Variants in FOXN1 observed in about 807,000 individuals in gnomAD.
FOXN1 encodes the protein forkhead box N1.
A neutral mutation model predicts 49.0 loss-of-function variants in FOXN1; 15 were observed. That is an observed-to-expected ratio of 0.31 (90% CI 0.20 to 0.47). The LOEUF is 0.47. FOXN1 is among the 20% of genes least tolerant of loss of function. The pLI, the probability that FOXN1 is intolerant of heterozygous loss-of-function variation, is 1.00. For missense variants in FOXN1, 800 were observed against 842.8 expected (o/e 0.95, Z 0.63); for synonymous variants, 356 against 369.0 (o/e 0.96, Z 0.40).
intron 1 of FOXN1, among the ~76,000 whole-genome samples, chr17:28,507,648 C>T (rs1394777157): frequency 1.3e-5 from 2 of 152,212 alleles, no homozygotes; most frequent in African/African-American, 2.4e-5. Flanking sequence ...CAGGGTCCAG[C>T]TCTGCTTGCC....
rs538785855 is a variant in FOXN1, at chr17:28,533,492, C to CCCCG, written c.928-837_928-836insCGCC. On this transcript the variant is annotated intron_variant, in intron 6 of 8. Coordinates refer to ENST00000579795, the MANE Select transcript of FOXN1 (RefSeq NM_001369369.1). ...TATTCTATTGGCACGAGCACCCCCC[C>CCCCG]CCACTGCCTGAGGGCTGGCCTCCCC... Among the ~76,000 whole-genome samples, 492 of 151,236 alleles carry CCCCG rather than the reference C, an allele frequency of 3.3e-3. 12 individuals carry two copies. Among genetic ancestry groups the CCCCG allele is most frequent in the South Asian group, 6.7e-3 (32 of 4,784 alleles).
intron 1 of FOXN1, among the ~76,000 whole-genome samples, chr17:28,514,881 G>A (rs1024580997): frequency 1.3e-5 from 2 of 152,094 alleles, no homozygotes; most frequent in Non-Finnish European, 2.9e-5. Context: ...AACCTCCAAC[G>A]TCGCCCCCAC....
intron 8 of FOXN1, among the ~76,000 whole-genome samples, chr17:28,536,872 C>A (rs2070077339): frequency 6.6e-6 from 1 of 152,104 alleles, no homozygotes; most frequent in Non-Finnish European, 1.5e-5. Flanking sequence ...ATGCCCACCC[C>A]CCAAAAAGAA....
At chr17:28,523,929 C>T (rs762666712) in intron 1 of FOXN1, 27 bp from the exon 2 acceptor site, 1 of 1,613,106 alleles carries the variant, frequency 6.2e-7, no homozygotes, top group Non-Finnish European at 8.5e-7. Flanking sequence ...CTGGTCCTCA[C>T]TCTCATGGCA....
chr17:28,524,986 C>A lies in FOXN1; in HGVS notation c.588+19C>A, dbSNP rs760240489. On this transcript the variant is annotated intron_variant, in intron 3 of 8. Coordinates refer to ENST00000579795, the MANE Select transcript of FOXN1 (RefSeq NM_001369369.1). ...AGTCCTGGTGAGTACTAGTGGCCAG[C>A]GAGTGTCCCATCTTCCCACTGTCCC... 1.3e-6 allele frequency: 2 copies of A among 1,559,976 alleles called. No individual in the cohort carries two copies. The highest frequency in any genetic ancestry group is 1.8e-6 in the Non-Finnish European group (2 of 1,139,656).
chr17:28,534,911 C>T lies in FOXN1; in HGVS notation c.1340C>T (p.Thr447Ile). 2 of 1,614,170 alleles carry T rather than the reference C, an allele frequency of 1.2e-6. No homozygotes were observed. Among genetic ancestry groups the T allele is most frequent in the Non-Finnish European group, 1.7e-6 (2 of 1,180,006 alleles). Residue 447 changes from threonine to isoleucine, a missense_variant, in exon 8 of 9, where the codon ACA (threonine) becomes ATA (isoleucine). Coordinates refer to ENST00000579795, the MANE Select transcript of FOXN1 (RefSeq NM_001369369.1). This position sits in a 1 kb window ranked among gnomAD's most constrained non-coding sequence, Gnocchi z 4.1. The part of the protein sequence containing the change: ...NPLQDLLMGH[T>I]PSCYGQTYLH... ...CTGCAGGACCTACTTATGGGGCACA[C>T]ACCCTCCTGCTATGGGCAGACATAC...
In FOXN1 at chr17:28,527,369, T is replaced by G. The variant is rs756591659; in HGVS notation, c.699+8T>G. 2 of 1,526,112 alleles carry G rather than the reference T, an allele frequency of 1.3e-6. No homozygotes were observed. The highest frequency in any genetic ancestry group is 3.4e-5 in the Admixed American group (2 of 59,480). 94.5% of individuals were successfully genotyped at this position (1,526,112 alleles called of 1,614,324 possible). A position where few individuals can be genotyped will look rare whatever the true frequency, so the allele number is the denominator to read the frequency against. ...CAGCCCCCCTTCCACCAGGTGGGTC[T>G]GGGGCAAGTGGGCCTGCTTCCCCCA... On this transcript the variant is annotated splice_region_variant and intron_variant, in intron 4 of 8. Coordinates refer to ENST00000579795, the MANE Select transcript of FOXN1 (RefSeq NM_001369369.1).
chr17:28,516,692 GCCTCCACAGAATACATA>G (rs1397514103), intron 1 of FOXN1, among the ~76,000 whole-genome samples: 5 of 108,824 alleles, frequency 4.6e-5, no homozygotes, highest in Admixed American at 2.1e-4. Flanking sequence ...CGGGGTACAC[GCCTCCACAGAATACATA>G]CCTCCACAGG....
At chr17:28,508,462 CCAT>C (rs2069313994) in intron 1 of FOXN1, among the ~76,000 whole-genome samples, 2 of 152,176 alleles carry the variant, frequency 1.3e-5, no homozygotes, top group Non-Finnish European at 2.9e-5. Context: ...CCAGACAGTC[CCAT>C]CTGGCCTCTA....
Position 28,524,634 on chromosome 17 carries a change from C to T in FOXN1, c.255C>T (p.Gly85=). 1.3e-5 allele frequency: 21 copies of T among 1,613,688 alleles called. No homozygotes were observed. The highest frequency in any genetic ancestry group is 1.7e-5 in the Non-Finnish European group (20 of 1,179,960). ...AAGTCCAGGGCCACTGCCCAGCCGGCCCCGGCCCTGGGCCCTTCAGGCTCT... is the reference window on the plus strand; with the variant it reads ...AAGTCCAGGGCCACTGCCCAGCCGGTCCCGGCCCTGGGCCCTTCAGGCTCT... The part of the protein sequence containing the change: ...PEQVQGHCPA[G]PGPGPFRLSP... The change falls in exon 3 of 9, where the codon GGC becomes GGT. Residue 85 remains glycine, a synonymous_variant. Coordinates refer to ENST00000579795, the MANE Select transcript of FOXN1 (RefSeq NM_001369369.1).
chr17:28,533,939 C>T (rs1043496175), intron 6 of FOXN1, among the ~76,000 whole-genome samples: 4 of 152,134 alleles, frequency 2.6e-5, no homozygotes. Context: ...GTCCCCCTTC[C>T]ACAGAGGGGT....
chr17:28,512,098 C>G lies in FOXN1; in HGVS notation c.-15+5655C>G, dbSNP rs540902700. Among the ~76,000 whole-genome samples, 11 of 152,316 alleles carry G rather than the reference C, an allele frequency of 7.2e-5. No homozygotes were observed. In the South Asian group the frequency reaches 1.2e-3, roughly 17 times the overall value. On this transcript the variant is annotated intron_variant, in intron 1 of 8. Transcript: ENST00000579795. ...TGCTTAGAGGTCAGCCACTTCATCC[C>G]ATACCCCAGCCCATTTCTCCATCCC...
In FOXN1 at chr17:28,524,918, G is replaced by C. The variant is rs765090704; in HGVS notation, c.539G>C (p.Trp180Ser). Residue 180 changes from tryptophan to serine, a missense_variant, in exon 3 of 9, where the codon TGG (tryptophan) becomes TCG (serine). Coordinates refer to ENST00000579795, the MANE Select transcript of FOXN1 (RefSeq NM_001369369.1). ...CTGCCTGGCTTCTCAGCAGAGGCCT[G>C]GTGTAACGGGCTCCCCTACCCCAGC... ...AFLPGFSAEA[W>S]CNGLPYPSQE... The C allele has an allele frequency of 9.2e-5, 149 of 1,612,750 alleles. No homozygotes were observed. Among genetic ancestry groups the C allele is most frequent in the Non-Finnish European group, 1.2e-4 (146 of 1,180,018 alleles).
In FOXN1 at chr17:28,537,580, A is replaced by G. The variant is rs2070103508; in HGVS notation, c.*144A>G. 1.4e-6 allele frequency: 1 copy of G among 721,028 alleles called. No individual in the cohort carries two copies. Among genetic ancestry groups the G allele is most frequent in the Non-Finnish European group, 2.5e-6 (1 of 405,948 alleles). 44.7% of individuals were successfully genotyped at this position (721,028 alleles called of 1,614,324 possible). A position where few individuals can be genotyped will look rare whatever the true frequency, so the allele number is the denominator to read the frequency against. ...TAAGCCAACGTGTGTGTCAGCTGGT[A>G]GCTGGGGGCGCAGAGGACATCACCT... On this transcript the variant is annotated 3_prime_UTR_variant, in exon 9 of 9. Coordinates refer to ENST00000579795, the MANE Select transcript of FOXN1 (RefSeq NM_001369369.1).
intron 1 of FOXN1, among the ~76,000 whole-genome samples, chr17:28,509,274 C>A (rs1257404122): frequency 1.3e-5 from 2 of 151,972 alleles, no homozygotes; most frequent in Admixed American, 1.3e-4. Flanking sequence ...CCATCATAAC[C>A]TATCTCCATT....
chr17:28,524,394 C>A, intron 2 of FOXN1, 109 bp from the exon 3 acceptor site: 1 of 1,010,594 alleles, frequency 9.9e-7, no homozygotes, highest in East Asian at 2.4e-5. Flanking sequence ...AGGGTCTTCC[C>A]AGAGCTCAGC....
Position 28,534,535 on chromosome 17 carries a change from C to T in FOXN1, c.1132C>T (p.Pro378Ser), listed in dbSNP as rs1183398493. 6.2e-7 allele frequency: 1 copy of T among 1,612,904 alleles called. No individual in the cohort carries two copies. Among genetic ancestry groups the T allele is most frequent in the Non-Finnish European group, 8.5e-7 (1 of 1,179,874 alleles). ...TGCTGTGCGCAAAAGCATGGCCAAG[C>T]CAGGTGAGGCCGGCCGGGCCACGCA... Reference protein sequence around the residue: ...PIAVRKSMAKPEELDSLIGDK... With the variant: ...PIAVRKSMAKSEELDSLIGDK... The change falls in exon 7 of 9, where the codon CCA becomes TCA. Residue 378 changes from proline (P) to serine (S), a missense_variant. Physicochemically the swap from Pro to Ser is moderately conservative, Grantham distance 74. Coordinates refer to ENST00000579795, the MANE Select transcript of FOXN1 (RefSeq NM_001369369.1). The surrounding 1 kb of genome is among the most constrained non-coding windows in gnomAD (Gnocchi z 4.1).
intron 1 of FOXN1, among the ~76,000 whole-genome samples, chr17:28,511,487 G>C (rs940431629): frequency 6.6e-6 from 1 of 152,102 alleles, no homozygotes; most frequent in Non-Finnish European, 1.5e-5. Context: ...CCCCTAGGAA[G>C]GGCAGATGTT....
intron 1 of FOXN1, among the ~76,000 whole-genome samples, chr17:28,520,431 G>T (rs498655): frequency 3.3e-5 from 5 of 152,310 alleles, no homozygotes; most frequent in South Asian, 4.1e-4. Context: ...AACCAAGGGG[G>T]CATCATGGTC....
Sources: gnomAD v4.1 joint callset for allele counts (sites outside exome capture counted in the v4.1 genomes callset) on GRCh38, gnomAD v4.1.1 for gene constraint, Gnocchi (gnomAD v3.1) non-coding constraint, MANE v1.5 for transcripts, NCBI Gene and HGNC (gene_info 2026-07-23, HGNC 2026-07-21) for gene names.